Variants in AGMO observed in about 807,000 individuals in gnomAD.
The protein encoded by AGMO is alkylglycerol monooxygenase.
In AGMO, 75 loss-of-function variants were observed where a neutral mutation model predicts 60.2. The observed-to-expected ratio is 1.25, with a 90% CI of 1.03 to 1.51. AGMO has a LOEUF of 1.51. Among genes scored for constraint, AGMO ranks in the 40% most tolerant of loss-of-function variants. The pLI is 0.00. For missense variants in AGMO, 763 were observed against 525.5 expected (o/e 1.45, Z -4.42); for synonymous variants, 261 against 177.1 (o/e 1.47, Z -3.76).
rs140052898 is a variant in AGMO, at chr7:15,444,787, G to A, written c.410-13679C>T. 4.1e-3 allele frequency among the ~76,000 whole-genome samples: 619 copies of A among 152,298 alleles called. 4 individuals are homozygous for A. Among genetic ancestry groups the A allele is most frequent in the African/African-American group, 0.014 (584 of 41,564 alleles). ...ATATCCAAAAGTTGATGGCTCCCAA[G>A]TATGTATCTGCAGCTCTCTGTTGAA... On this transcript the variant is annotated intron_variant, in intron 3 of 12. Transcript: ENST00000342526.
chr7:15,339,475 T>G (rs1563095728), intron 12 of AGMO, among the ~76,000 whole-genome samples: 1 of 152,192 alleles, frequency 6.6e-6, no homozygotes, highest in African/African-American at 2.4e-5. Flanking sequence ...AATCCAAACA[T>G]AATTTTAGAG....
At chr7:15,538,717 C>T (rs142848457) in intron 3 of AGMO, among the ~76,000 whole-genome samples, 3 of 152,218 alleles carry the variant, frequency 2.0e-5, no homozygotes, top group Admixed American at 1.3e-4. Flanking sequence ...CTCAGCAATA[C>T]GTCTGTTTAT....
chr7:15,216,341 C>A (rs1267658337), intron 12 of AGMO, among the ~76,000 whole-genome samples: 1 of 152,008 alleles, frequency 6.6e-6, no homozygotes, highest in Non-Finnish European at 1.5e-5. Flanking sequence ...TGTTAATGGG[C>A]GTTAGAAAAC....
At chr7:15,152,509 C>T in the AGMO span, among the ~76,000 whole-genome samples, 1 of 152,128 alleles carries the variant, frequency 6.6e-6, no homozygotes, top group Non-Finnish European at 1.5e-5. Context: ...CACCCTTTCA[C>T]CTGACTTTCC....
chr7:15,378,197 TTTTA>T (rs1248173239), intron 10 of AGMO, among the ~76,000 whole-genome samples: 1 of 152,044 alleles, frequency 6.6e-6, no homozygotes, highest in Non-Finnish European at 1.5e-5. Context: ...CCCTGTGGCT[TTTTA>T]TTTTAAAAAA....
At chr7:15,319,717 A>T (rs1032450726) in intron 12 of AGMO, among the ~76,000 whole-genome samples, 1 of 152,144 alleles carries the variant, frequency 6.6e-6, no homozygotes, top group South Asian at 2.1e-4. Flanking sequence ...AGATTCCATT[A>T]GTAAGCAGCA....
At chr7:15,455,582 T>A (rs1298847502) in intron 3 of AGMO, among the ~76,000 whole-genome samples, 1 of 152,152 alleles carries the variant, frequency 6.6e-6, no homozygotes, top group African/African-American at 2.4e-5. Flanking sequence ...TGCTAAATAT[T>A]TCCTCTAGTC....
In AGMO at chr7:15,381,762, G is replaced by C. The variant is rs989879725; in HGVS notation, c.1074+3684C>G. On this transcript the variant is annotated intron_variant, in intron 10 of 12. Coordinates refer to ENST00000342526, the MANE Select transcript of AGMO (RefSeq NM_001004320.2). ...CACTATTCACAATATCAAAGACATGGAATCAACCTAAATGCCCATCAATGA... is the reference window on the plus strand; with the variant it reads ...CACTATTCACAATATCAAAGACATGCAATCAACCTAAATGCCCATCAATGA... Among the ~76,000 whole-genome samples, 7 of 151,988 alleles carry C rather than the reference G, an allele frequency of 4.6e-5. No individual in the cohort carries two copies. In the South Asian group the frequency reaches 1.5e-3, roughly 32 times the overall value.
At chr7:15,370,305 G>A (rs553895107) in intron 10 of AGMO, among the ~76,000 whole-genome samples, 1 of 152,244 alleles carries the variant, frequency 6.6e-6, no homozygotes, top group East Asian at 1.9e-4. Context: ...ATCCTCCGTT[G>A]GTGGGCACCT....
the AGMO span, among the ~76,000 whole-genome samples, chr7:15,151,584 G>T: frequency 6.6e-6 from 1 of 152,098 alleles, no homozygotes; most frequent in Non-Finnish European, 1.5e-5. Context: ...TTCAGAAGCA[G>T]GTTGTTTAAT....
chr7:15,456,302 T>C (rs2128507215), intron 3 of AGMO, among the ~76,000 whole-genome samples: 1 of 152,256 alleles, frequency 6.6e-6, no homozygotes, highest in Middle Eastern at 3.4e-3. Flanking sequence ...TATTTTTATG[T>C]TCCTTGCATT....
chr7:15,145,713 C>T, the AGMO span, among the ~76,000 whole-genome samples: 1 of 152,074 alleles, frequency 6.6e-6, no homozygotes, highest in Non-Finnish European at 1.5e-5. Context: ...CCATTATGCT[C>T]ACAGTAGAAG....
At chr7:15,525,436 C>G (rs1260601660) in intron 3 of AGMO, among the ~76,000 whole-genome samples, 1 of 152,068 alleles carries the variant, frequency 6.6e-6, no homozygotes, top group Non-Finnish European at 1.5e-5. Context: ...GCCATGCTCA[C>G]CTTTGAGTGG....
chr7:15,242,164 T>C (rs1374173886), intron 12 of AGMO, among the ~76,000 whole-genome samples: 4 of 152,300 alleles, frequency 2.6e-5, no homozygotes, highest in African/African-American at 9.6e-5. Context: ...AGTTTCATCT[T>C]TGTCATACAT....
chr7:15,484,244 A>G (rs950887675), intron 3 of AGMO, among the ~76,000 whole-genome samples: 1 of 152,196 alleles, frequency 6.6e-6, no homozygotes, highest in African/African-American at 2.4e-5. Flanking sequence ...AGAAATTATT[A>G]TAATTATTAT....
chr7:15,531,599 T>TATATATATTCTATATATATTCTAA (rs1784363469), intron 3 of AGMO, among the ~76,000 whole-genome samples: 3 of 115,112 alleles, frequency 2.6e-5, no homozygotes, highest in Non-Finnish European at 5.2e-5. Context: ...ATATATTCTA[T>TATATATATTCTATATATATTCTAA]ATATATATTC....
At chr7:15,554,389 C>A (rs1178039696) in intron 2 of AGMO, among the ~76,000 whole-genome samples, 1 of 151,908 alleles carries the variant, frequency 6.6e-6, no homozygotes, top group Non-Finnish European at 1.5e-5. Flanking sequence ...ATACTAGATC[C>A]CTTTTATGCC....
intron 3 of AGMO, among the ~76,000 whole-genome samples, chr7:15,495,862 CT>C (rs1188663971): frequency 3.4e-5 from 5 of 145,830 alleles, no homozygotes; most frequent in East Asian, 4.3e-4. Flanking sequence ...TCCTCTCTCT[CT>C]CTCCTCTCTC....
At chr7:15,451,116 T>C (rs116486422) in intron 3 of AGMO, among the ~76,000 whole-genome samples, 1,935 of 152,246 alleles carry the variant, frequency 0.013, 38 homozygotes, top group African/African-American at 0.045. Flanking sequence ...TTTCATCTCT[T>C]TCATCCAGAA....
Sources: allele counts gnomAD v4.1 joint callset (sites outside exome capture counted in the v4.1 genomes callset), GRCh38; gene constraint gnomAD v4.1.1; transcripts MANE v1.5; gene names NCBI Gene and HGNC (gene_info 2026-07-23, HGNC 2026-07-21).